Variants in SLC7A14 observed in about 807,000 individuals in gnomAD.
The protein encoded by SLC7A14 is solute carrier family 7 member 14, also known as gamma-aminobutyric acid transporter SLC7A14.
In SLC7A14, 37 loss-of-function variants were observed where a neutral mutation model predicts 60.2. The ratio of observed to expected loss-of-function variants is 0.61; its 90% CI spans 0.47 to 0.81. SLC7A14 has a LOEUF of 0.81. Among genes scored for constraint, SLC7A14 ranks in the 30% least tolerant of loss-of-function variants. The pLI, the probability that SLC7A14 is intolerant of heterozygous loss-of-function variation, is 0.00. For missense variants in SLC7A14, 886 were observed against 982.7 expected, an observed-to-expected ratio of 0.90 and a Z score of 1.32; for synonymous variants, 399 against 395.8, an observed-to-expected ratio of 1.01 and a Z score of -0.10.
chr3:170,474,011 G>A (rs375108752), intron 7 of SLC7A14, among the ~76,000 whole-genome samples: 7 of 152,276 alleles, frequency 4.6e-5, no homozygotes, highest in Admixed American at 3.9e-4. Context: ...ACATGTCCGC[G>A]TGTCCACCAA....
intron 1 of SLC7A14, among the ~76,000 whole-genome samples, chr3:170,533,904 C>T (rs1343170169): frequency 1.3e-5 from 2 of 152,160 alleles, no homozygotes; most frequent in Non-Finnish European, 2.9e-5. Context: ...ATGTGCTAGC[C>T]TGTTTATATT....
Position 170,526,656 on chromosome 3 carries a change from G to T in SLC7A14, c.281C>A (p.Ala94Glu). The change falls in exon 2 of 8, where the codon GCA (alanine) becomes GAA (glutamate). Residue 94 changes from alanine to glutamate, a missense_variant. Ala to Glu is a moderately radical substitution (Grantham distance 107, BLOSUM62 -1). Transcript: ENST00000231706. ...GPGVIVSFII[A>E]AVASILSGVC... Reference sequence around the variant, plus strand: ...ACCTGATAATATGGATGCGACGGCTGCAATGATGAAGGACACAATGACACC... The same window carrying T: ...ACCTGATAATATGGATGCGACGGCTTCAATGATGAAGGACACAATGACACC... 6.2e-7 allele frequency: 1 copy of T among 1,614,134 alleles called. No individual in the cohort carries two copies. The highest frequency in any genetic ancestry group is 8.5e-7 in the Non-Finnish European group (1 of 1,180,032).
In SLC7A14 at chr3:170,459,777, G is replaced by T. The variant is rs1320272363; in HGVS notation, c.*7278C>A. The T allele has an allele frequency of 1.3e-5, 2 of 152,012 alleles. No homozygotes were observed. Among genetic ancestry groups the T allele is most frequent in the Admixed American group, 6.6e-5 (1 of 15,254 alleles). The allele number at this position is 152,012 out of a possible 1,614,324, so 9.4% of individuals were successfully genotyped here. ...GTTAAGGTTAACAAAATATGGGAAG[G>T]CTCCTTTTTCTTTTCTTTCTTTTTT... On this transcript the variant is annotated 3_prime_UTR_variant, in exon 8 of 8. Coordinates refer to ENST00000231706, the MANE Select transcript of SLC7A14 (RefSeq NM_020949.3).
chr3:170,496,156 C>T (rs187393100), intron 4 of SLC7A14: 15 of 921,306 alleles, frequency 1.6e-5, no homozygotes, highest in Admixed American at 1.0e-4. Context: ...ATCTCGGGCA[C>T]GTCTGCGGTG....
At chr3:170,494,207 T>C (rs528633226) in intron 4 of SLC7A14, among the ~76,000 whole-genome samples, 18 of 152,380 alleles carry the variant, frequency 1.2e-4, no homozygotes, top group Non-Finnish European at 2.1e-4. Context: ...GCTATTTGCA[T>C]GTAAAAGTGG....
rs11336080 is a variant in SLC7A14, at chr3:170,499,236, C to CAAAAAAAAAAAAA, written c.542-365_542-353dup. Among the ~76,000 whole-genome samples the CAAAAAAAAAAAAA allele has an allele frequency of 9.5e-4, 57 of 59,918 alleles. 4 individuals are homozygous for CAAAAAAAAAAAAA. Among genetic ancestry groups the CAAAAAAAAAAAAA allele is most frequent in the African/African-American group, 5.3e-3 (51 of 9,666 alleles). The allele number at this position is 59,918 out of a possible 152,430, so 39.3% of individuals were successfully genotyped here. On this transcript the variant is annotated intron_variant, in intron 3 of 7. Coordinates refer to ENST00000231706, the MANE Select transcript of SLC7A14 (RefSeq NM_020949.3). ...TGGGGGACAGAGTGAGACTCTGTCT[C>CAAAAAAAAAAAAA]AAAAAAAAAAAAAAAAAAAAAAAAA...
chr3:170,549,068 C>T (rs1425062197), intron 1 of SLC7A14, among the ~76,000 whole-genome samples: 3 of 152,130 alleles, frequency 2.0e-5, no homozygotes, highest in South Asian at 2.1e-4. Context: ...AATATTTTCA[C>T]ATTTGATTAT....
At chr3:170,507,817 C>T (rs917655346) in intron 2 of SLC7A14, among the ~76,000 whole-genome samples, 1 of 152,102 alleles carries the variant, frequency 6.6e-6, no homozygotes, top group African/African-American at 2.4e-5. Context: ...CAGGTGGCTC[C>T]GTTTGAAGGG....
intron 1 of SLC7A14, among the ~76,000 whole-genome samples, chr3:170,542,681 T>A (rs1440422311): frequency 6.6e-6 from 1 of 152,244 alleles, no homozygotes; most frequent in Non-Finnish European, 1.5e-5. Context: ...CCGTGGGTTG[T>A]GTGTGCATGT....
At position 170,466,954 on chromosome 3, in the gene SLC7A14, G is replaced by T; in HGVS notation, c.*101C>A. On this transcript the variant is annotated 3_prime_UTR_variant, in exon 8 of 8. Coordinates refer to ENST00000231706, the MANE Select transcript of SLC7A14 (RefSeq NM_020949.3). ...CTAGGGATTGAATTTGGGGAAGGCTGGATTTGTGAAATGAGAGCCAAAAAA... is the reference window on the plus strand; with the variant it reads ...CTAGGGATTGAATTTGGGGAAGGCTTGATTTGTGAAATGAGAGCCAAAAAA... 2 of 1,000,848 alleles carry T rather than the reference G, an allele frequency of 2.0e-6. No homozygotes were observed. The highest frequency in any genetic ancestry group is 3.0e-6 in the Non-Finnish European group (2 of 675,664). 62.0% of individuals were successfully genotyped at this position (1,000,848 alleles called of 1,614,324 possible).
rs1329064887 is a variant in SLC7A14, at chr3:170,464,209, A to G, written c.*2846T>C. The G allele has an allele frequency of 6.6e-6, 1 of 152,242 alleles. No individual in the cohort carries two copies. The highest frequency in any genetic ancestry group is 2.4e-5 in the African/African-American group (1 of 41,468). 9.4% of individuals were successfully genotyped at this position (152,242 alleles called of 1,614,324 possible). ...TGAAGCAGAGTACCAATAAATAAGT[A>G]GAATAAAATCTGAAGAAAATCAAGT... is the stretch of plus-strand genomic sequence containing the variant. On this transcript the variant is annotated 3_prime_UTR_variant, in exon 8 of 8. Transcript: ENST00000231706.
chr3:170,504,959 C>T (rs539901771), intron 2 of SLC7A14, among the ~76,000 whole-genome samples: 1 of 152,268 alleles, frequency 6.6e-6, no homozygotes, highest in South Asian at 2.1e-4. Flanking sequence ...TATCATTCTG[C>T]AATGTGACTG....
chr3:170,560,358 A>G (rs1462098587), intron 1 of SLC7A14, among the ~76,000 whole-genome samples: 1 of 152,190 alleles, frequency 6.6e-6, no homozygotes, highest in Non-Finnish European at 1.5e-5. Context: ...ACAAAAGATT[A>G]GTATAAATAA....
chr3:170,518,122 T>C (rs891737945), intron 2 of SLC7A14, among the ~76,000 whole-genome samples: 3 of 152,158 alleles, frequency 2.0e-5, no homozygotes, highest in African/African-American at 7.2e-5. Context: ...CTCTGGTTCC[T>C]CATCTGTAGA....
chr3:170,574,302 T>C lies in SLC7A14; in HGVS notation c.-153+11609A>G, dbSNP rs185044746. Among the ~76,000 whole-genome samples, 292 of 152,322 alleles carry C rather than the reference T, an allele frequency of 1.9e-3. 2 individuals are homozygous for C. The highest frequency in any genetic ancestry group is 0.017 in the Admixed American group (254 of 15,300). ...TCTTTGTCTACAGTAATGAAATGCA[T>C]CATGGTGATCAATCCAGGCAAAATA... On this transcript the variant is annotated intron_variant, in intron 1 of 7. Coordinates refer to ENST00000231706, the MANE Select transcript of SLC7A14 (RefSeq NM_020949.3).
At chr3:170,528,195 A>G (rs1713567050) in intron 1 of SLC7A14, among the ~76,000 whole-genome samples, 1 of 152,176 alleles carries the variant, frequency 6.6e-6, no homozygotes, top group African/African-American at 2.4e-5. Flanking sequence ...CAATAATTTC[A>G]CTTCAGGATA....
chr3:170,545,448 C>A (rs1045832006), intron 1 of SLC7A14, among the ~76,000 whole-genome samples: 4 of 152,212 alleles, frequency 2.6e-5, no homozygotes, highest in African/African-American at 9.6e-5. Context: ...TGATGAACAT[C>A]ATGCTACATG....
intron 2 of SLC7A14, among the ~76,000 whole-genome samples, chr3:170,504,901 A>T (rs1437725186): frequency 2.0e-5 from 3 of 152,142 alleles, no homozygotes; most frequent in African/African-American, 7.2e-5. Context: ...GGTTCTCATG[A>T]TGATTGTGGG....
At chr3:170,476,258 G>C (rs901664418) in intron 7 of SLC7A14, among the ~76,000 whole-genome samples, 4 of 152,250 alleles carry the variant, frequency 2.6e-5, no homozygotes, top group African/African-American at 9.6e-5. Context: ...AGCTAGGGTT[G>C]AGAATCTTTG....
Sources: allele counts gnomAD v4.1 joint callset (sites outside exome capture counted in the v4.1 genomes callset), GRCh38; gene constraint gnomAD v4.1.1; transcripts MANE v1.5; gene names NCBI Gene and HGNC (gene_info 2026-07-23, HGNC 2026-07-21).